Variants in GPC6 observed in about 807,000 individuals in gnomAD.
GPC6 encodes glypican-6.
In GPC6, 14 loss-of-function variants were observed where a neutral mutation model predicts 55.2. The ratio of observed to expected loss-of-function variants is 0.25; its 90% CI spans 0.17 to 0.40. The LOEUF is 0.40. Among genes scored for constraint, GPC6 ranks in the 10% least tolerant of loss-of-function variants. GPC6 has a pLI of 1.00. For synonymous variants in GPC6, 278 were observed against 259.6 expected (o/e 1.07, Z -0.68); for missense variants, 641 against 708.5 (o/e 0.90, Z 1.08).
intron 1 of GPC6, among the ~76,000 whole-genome samples, chr13:93,436,262 G>A (rs1877569225): frequency 6.6e-6 from 1 of 152,076 alleles, no homozygotes; most frequent in African/African-American, 2.4e-5. Flanking sequence ...GAAATCATCT[G>A]CATGCCAATT....
chr13:93,423,699 C>T (rs1448686036), intron 1 of GPC6, among the ~76,000 whole-genome samples: 1 of 152,136 alleles, frequency 6.6e-6, no homozygotes, highest in African/African-American at 2.4e-5. Flanking sequence ...CACTCCGCCA[C>T]CAACAGACTT....
At chr13:94,098,027 G>C (rs1452605759) in intron 4 of GPC6, among the ~76,000 whole-genome samples, 2 of 152,110 alleles carry the variant, frequency 1.3e-5, no homozygotes, top group Non-Finnish European at 2.9e-5. Context: ...AAGTTCTCAG[G>C]CTCTGAGAAA....
intron 3 of GPC6, among the ~76,000 whole-genome samples, chr13:93,908,374 T>C (rs937116697): frequency 2.6e-5 from 4 of 152,204 alleles, no homozygotes; most frequent in Admixed American, 2.0e-4. Flanking sequence ...AGAGCACAAA[T>C]GAGTCCACCT....
At chr13:94,003,783 A>C (rs1380732887) in intron 3 of GPC6, among the ~76,000 whole-genome samples, 2 of 152,058 alleles carry the variant, frequency 1.3e-5, no homozygotes, top group Non-Finnish European at 2.9e-5. Flanking sequence ...GATAATTATA[A>C]TTACCCCTCA....
At chr13:93,452,154 G>C (rs1313386423) in intron 1 of GPC6, among the ~76,000 whole-genome samples, 2 of 152,138 alleles carry the variant, frequency 1.3e-5, no homozygotes, top group Non-Finnish European at 2.9e-5. Flanking sequence ...TTGCAGTCAT[G>C]CTTCAGCCTA....
intron 2 of GPC6, among the ~76,000 whole-genome samples, chr13:93,658,736 C>T (rs1880794700): frequency 6.6e-6 from 1 of 151,518 alleles, no homozygotes; most frequent in Non-Finnish European, 1.5e-5. Context: ...AATATTATAG[C>T]ATATTATAAA....
chr13:93,491,924 C>A (rs1480672477), intron 1 of GPC6, among the ~76,000 whole-genome samples: 1 of 108,012 alleles, frequency 9.3e-6, no homozygotes, highest in Non-Finnish European at 2.0e-5. Context: ...GTTACTGTAG[C>A]CTTGTAGTAT....
At chr13:93,465,945 A>G (rs906151184) in intron 1 of GPC6, among the ~76,000 whole-genome samples, 1 of 152,314 alleles carries the variant, frequency 6.6e-6, no homozygotes, top group Non-Finnish European at 1.5e-5. Flanking sequence ...GTTTCAGGAA[A>G]CAGGAAGGTC....
intron 1 of GPC6, among the ~76,000 whole-genome samples, chr13:93,266,815 G>C (rs565864414): frequency 6.6e-6 from 1 of 152,270 alleles, no homozygotes; most frequent in East Asian, 1.9e-4. Flanking sequence ...AGAAATAATA[G>C]AGAATTACAT....
At chr13:93,685,507 G>A (rs2138772364) in intron 2 of GPC6, among the ~76,000 whole-genome samples, 1 of 152,248 alleles carries the variant, frequency 6.6e-6, no homozygotes, top group African/African-American at 2.4e-5. Context: ...AAGTGCCAGA[G>A]AATGTATAAG....
intron 4 of GPC6, among the ~76,000 whole-genome samples, chr13:94,225,561 A>G (rs1169133839): frequency 2.0e-5 from 3 of 152,072 alleles, no homozygotes; most frequent in African/African-American, 7.2e-5. Flanking sequence ...GTTTAATAAT[A>G]TGTATTTCCA....
At chr13:94,382,592 AC>A (rs1880213862) in intron 7 of GPC6, 42 bp downstream of exon 7, 1 of 1,612,474 alleles carries the variant, frequency 6.2e-7, no homozygotes, top group Non-Finnish European at 8.5e-7. Flanking sequence ...GGCACAGCAC[AC>A]CCAGCCTTGG....
chr13:93,847,409 G>A (rs1216581904), intron 3 of GPC6, among the ~76,000 whole-genome samples: 3 of 152,098 alleles, frequency 2.0e-5, no homozygotes, highest in Non-Finnish European at 4.4e-5. Flanking sequence ...CCGTCACTGG[G>A]TTAAATGACT....
At chr13:93,500,269 C>A (rs1880471790) in intron 1 of GPC6, among the ~76,000 whole-genome samples, 1 of 152,038 alleles carries the variant, frequency 6.6e-6, no homozygotes, top group African/African-American at 2.4e-5. Context: ...TCTGATGATT[C>A]CTGTAATAAC....
chr13:93,453,895 G>A (rs61964187), intron 1 of GPC6, among the ~76,000 whole-genome samples: 1 of 151,962 alleles, frequency 6.6e-6, no homozygotes, highest in Non-Finnish European at 1.5e-5. Flanking sequence ...ACCTGAGCGG[G>A]CTGCCACTGC....
intron 3 of GPC6, among the ~76,000 whole-genome samples, chr13:93,968,038 G>A (rs1239169186): frequency 6.6e-6 from 1 of 152,084 alleles, no homozygotes; most frequent in Non-Finnish European, 1.5e-5. Context: ...AAAAAATTAG[G>A]AGTGCTCATT....
At chr13:93,496,629 C>T (rs6492664) in intron 1 of GPC6, among the ~76,000 whole-genome samples, 3 of 152,062 alleles carry the variant, frequency 2.0e-5, no homozygotes, top group Non-Finnish European at 2.9e-5. Context: ...TAGAGACAGA[C>T]AACATATTGC....
In GPC6 at chr13:93,415,221, G is replaced by A. The variant is rs182467347; in HGVS notation, c.161-130042G>A. The stretch of plus-strand genomic sequence containing the variant: ...TTCATGGGATTGTTCTGAGGATTGC[G>A]GAAGCTGATAAAATTAAAGCACTAA... On this transcript the variant is annotated intron_variant, in intron 1 of 8. Transcript: ENST00000377047. Among the ~76,000 whole-genome samples, 190 of 152,034 alleles carry A rather than the reference G, an allele frequency of 1.2e-3. 2 individuals are homozygous for A. The highest frequency in any genetic ancestry group is 4.4e-3 in the African/African-American group (183 of 41,466).
chr13:93,542,649 C>T (rs1882365124), intron 1 of GPC6, among the ~76,000 whole-genome samples: 1 of 152,102 alleles, frequency 6.6e-6, no homozygotes, highest in Non-Finnish European at 1.5e-5. Context: ...ATTCTTCCTA[C>T]CCATGAGCAT....
Sources: allele counts gnomAD v4.1 joint callset (sites outside exome capture counted in the v4.1 genomes callset), GRCh38; gene constraint gnomAD v4.1.1; transcripts MANE v1.5; gene names NCBI Gene and HGNC (gene_info 2026-07-23, HGNC 2026-07-21).